MTMR3: variants seen among roughly 807,000 people sequenced by gnomAD.
MTMR3 encodes the protein phosphatidylinositol-3,5-bisphosphate 3-phosphatase MTMR3.
In MTMR3, 32 loss-of-function variants were observed where a neutral mutation model predicts 132.4. That is an observed-to-expected ratio of 0.24 (90% CI 0.18 to 0.32). The LOEUF (loss-of-function observed/expected upper bound fraction) is 0.32. Ranked by LOEUF, MTMR3 falls within the 10% of genes least tolerant of loss-of-function variation. The pLI, the probability that MTMR3 is intolerant of heterozygous loss-of-function variation, is 1.00. For synonymous variants in MTMR3, 556 were observed against 550.3 expected (o/e 1.01, Z -0.14); for missense variants, 1,216 against 1,489.6 (o/e 0.82, Z 3.02).
At chr22:30,009,808 A>C (rs1404961626) in intron 12 of MTMR3, 1 of 152,340 alleles carries the variant, frequency 6.6e-6, no homozygotes, top group Non-Finnish European at 1.5e-5. Flanking sequence ...CTGTTTTACT[A>C]TTTCAGGAAG....
At chr22:29,974,777 C>T (rs2066599098) in intron 3 of MTMR3, among the ~76,000 whole-genome samples, 1 of 152,196 alleles carries the variant, frequency 6.6e-6, no homozygotes, top group Non-Finnish European at 1.5e-5. Flanking sequence ...AATGACCTTA[C>T]ACAGAATAAA....
In MTMR3 at chr22:30,020,723, G is replaced by C; in HGVS notation, c.3064G>C (p.Val1022Leu). ...RSHLDDDGMS[V>L]YTDTIQQRLR... ...CCACCTGGACGATGATGGCATGTCAGTGTACACAGACACGATCCAACAGCG... is the reference window on the plus strand; with the variant it reads ...CCACCTGGACGATGATGGCATGTCACTGTACACAGACACGATCCAACAGCG... The change falls in exon 17 of 20, where the codon GTG becomes CTG. Residue 1022 changes from valine (V) to leucine (L), a missense_variant. Val to Leu is a conservative substitution (Grantham distance 32). This residue lies in a region of MTMR3 where 852 missense variants were observed against 852.0 expected (regional missense o/e 1.00). Transcript: ENST00000401950. The C allele has an allele frequency of 6.2e-7, 1 of 1,614,266 alleles. No individual in the cohort carries two copies. Among genetic ancestry groups the C allele is most frequent in the Non-Finnish European group, 8.5e-7 (1 of 1,180,056 alleles).
chr22:29,937,530 C>T (rs2065774271), intron 1 of MTMR3, among the ~76,000 whole-genome samples: 1 of 152,022 alleles, frequency 6.6e-6, no homozygotes, highest in Admixed American at 6.6e-5. Context: ...GATCCTCCTG[C>T]CTCAGCCTCC....
intron 1 of MTMR3, among the ~76,000 whole-genome samples, chr22:29,943,405 G>A (rs1416580371): frequency 2.0e-5 from 3 of 152,096 alleles, no homozygotes; most frequent in Non-Finnish European, 4.4e-5. Flanking sequence ...ATGTTAGCCA[G>A]GATGGTCTCG....
At chr22:29,891,088 C>T (rs1380591068) in intron 1 of MTMR3, among the ~76,000 whole-genome samples, 2 of 149,810 alleles carry the variant, frequency 1.3e-5, no homozygotes, top group Non-Finnish European at 3.0e-5. Context: ...GATAGGACTT[C>T]GTGTTGTTGC....
chr22:30,019,868 A>G lies in MTMR3; in HGVS notation c.2209A>G (p.Ile737Val). The change falls in exon 17 of 20, where the codon ATT becomes GTT. Residue 737 changes from isoleucine (I) to valine (V), a missense_variant. Around this residue, in one of 7 missense-constraint regions of MTMR3, gnomAD observed 852 missense variants for 852.0 expected, o/e 1.00. Coordinates refer to ENST00000401950, the MANE Select transcript of MTMR3 (RefSeq NM_021090.4). ...SRRKTPEASAIGLHQDPELGD... is the reference protein window; with the variant it reads ...SRRKTPEASAVGLHQDPELGD... The stretch of plus-strand genomic sequence containing the variant: ...GAGGAAGACACCTGAGGCCTCAGCC[A>G]TTGGACTTCACCAAGACCCAGAACT... The G allele has an allele frequency of 1.2e-6, 2 of 1,614,170 alleles. No individual in the cohort carries two copies. Among genetic ancestry groups the G allele is most frequent in the Non-Finnish European group, 1.7e-6 (2 of 1,180,032 alleles).
intron 1 of MTMR3, among the ~76,000 whole-genome samples, chr22:29,954,196 C>G (rs2066143123): frequency 6.6e-6 from 1 of 151,676 alleles, no homozygotes; most frequent in Non-Finnish European, 1.5e-5. Flanking sequence ...ACCCTCCTGC[C>G]TCAGCCTCCC....
intron 1 of MTMR3, among the ~76,000 whole-genome samples, chr22:29,901,201 C>A (rs2064997533): frequency 6.6e-6 from 1 of 151,698 alleles, no homozygotes; most frequent in Non-Finnish European, 1.5e-5. Flanking sequence ...GGGCTTTATT[C>A]CCTTAATTTT....
intron 19 of MTMR3, chr22:30,023,014 GCTA>G: frequency 2.4e-6 from 1 of 423,340 alleles, no homozygotes; most frequent in South Asian, 2.9e-5. Context: ...ATTCAACATG[GCTA>G]CTATGAGCAA....
rs2067957899 is a variant in MTMR3 at position 30,028,690 on chromosome 22, G to A, written c.*2889G>A. ...AGCTCCCCAGAGGCCTTCACTCTTT[G>A]GGGCAGTCTCTCTAGGGTCACTTTC... is the stretch of plus-strand genomic sequence containing the variant. On this transcript the variant is annotated 3_prime_UTR_variant, in exon 20 of 20. Coordinates refer to ENST00000401950, the MANE Select transcript of MTMR3 (RefSeq NM_021090.4). 6.6e-6 allele frequency: 1 copy of A among 152,336 alleles called. No individual in the cohort carries two copies. Among genetic ancestry groups the A allele is most frequent in the Admixed American group, 6.5e-5 (1 of 15,284 alleles). 9.4% of individuals were successfully genotyped at this position (152,336 alleles called of 1,614,324 possible).
chr22:29,912,929 A>T (rs1433781342), intron 1 of MTMR3, among the ~76,000 whole-genome samples: 1 of 152,106 alleles, frequency 6.6e-6, no homozygotes. Context: ...AGTTAAACAT[A>T]GTTCTGGAGC....
chr22:29,941,697 C>T, intron 1 of MTMR3, among the ~76,000 whole-genome samples: 1 of 152,092 alleles, frequency 6.6e-6, no homozygotes, highest in East Asian at 1.9e-4. Context: ...TTTTCATTTT[C>T]TTAATGGTGT....
intron 1 of MTMR3, among the ~76,000 whole-genome samples, chr22:29,941,145 T>C (rs997779954): frequency 2.9e-5 from 4 of 140,128 alleles, no homozygotes; most frequent in Non-Finnish European, 4.4e-5. Context: ...TTGAACTTCA[T>C]GTAAATGGAA....
At position 30,023,404 on chromosome 22, in the gene MTMR3, C is replaced by T. The variant is rs143838701; in HGVS notation, c.3425+707C>T. ...GTATCTCCCCACCCTGCACCCCAAG[C>T]CCAGATATCTTTGGTTGGCTTCTCT... On this transcript the variant is annotated intron_variant, in intron 19 of 19. Transcript: ENST00000401950. 55 of 1,603,640 alleles carry T rather than the reference C, an allele frequency of 3.4e-5. No individual in the cohort carries two copies. The East Asian group carries it at 1.1e-3, about 33-fold the overall frequency.
At chr22:29,929,024 A>G (rs559730235) in intron 1 of MTMR3, among the ~76,000 whole-genome samples, 1 of 152,238 alleles carries the variant, frequency 6.6e-6, no homozygotes, top group South Asian at 2.1e-4. Context: ...TCATGCCTGT[A>G]ATCCCAGCAC....
intron 1 of MTMR3, among the ~76,000 whole-genome samples, chr22:29,916,477 G>A (rs1331762502): frequency 6.6e-6 from 1 of 152,160 alleles, no homozygotes; most frequent in Non-Finnish European, 1.5e-5. Context: ...CTTTCTGGCT[G>A]GGGTCTGGAA....
chr22:29,929,903 T>G (rs1366916851), intron 1 of MTMR3, among the ~76,000 whole-genome samples: 3 of 152,156 alleles, frequency 2.0e-5, no homozygotes, highest in Non-Finnish European at 4.4e-5. Context: ...ACTGAACTGT[T>G]TATAGCATTG....
At chr22:30,022,724 G>A in intron 19 of MTMR3, 27 bp downstream of exon 19, 1 of 1,589,678 alleles carries the variant, frequency 6.3e-7, no homozygotes, top group African/African-American at 1.3e-5. Flanking sequence ...GTGGTAGGGT[G>A]GGCTGTGTGT....
rs139022889 is a variant in MTMR3, at chr22:29,906,330, A to G, written c.-138+22971A>G. Among the ~76,000 whole-genome samples the G allele has an allele frequency of 7.4e-3, 981 of 133,246 alleles. 13 individuals are homozygous for G. The highest frequency in any genetic ancestry group is 0.025 in the African/African-American group (861 of 34,306). 87.4% of individuals were successfully genotyped at this position (133,246 alleles called of 152,430 possible). A position where few individuals can be genotyped will look rare whatever the true frequency, so the allele number is the denominator to read the frequency against. ...TATCTATCTATCTATCTATCTATCT[A>G]TCTGTCTATCTATCTATCTATGACG... On this transcript the variant is annotated intron_variant, in intron 1 of 19. Coordinates refer to ENST00000401950, the MANE Select transcript of MTMR3 (RefSeq NM_021090.4).
Sources: gnomAD v4.1 joint callset for allele counts (sites outside exome capture counted in the v4.1 genomes callset) on GRCh38, gnomAD v4.1.1 for gene constraint, gnomAD v4.1.1 regional missense constraint, MANE v1.5 for transcripts, NCBI Gene and HGNC (gene_info 2026-07-23, HGNC 2026-07-21) for gene names.